Variants in NXPE2 observed in about 807,000 individuals in gnomAD.
The protein encoded by NXPE2 is NXPE family member 2.
NXPE2 carries 34 observed loss-of-function variants against 34.4 expected under a neutral mutation model. That is an observed-to-expected ratio of 0.99 (90% CI 0.75 to 1.31). The LOEUF (loss-of-function observed/expected upper bound fraction) is 1.31, where lower values mean the gene tolerates loss of function less well. Among genes scored for constraint, NXPE2 ranks in the 40% most tolerant of loss-of-function variants. The pLI is 0.00. For synonymous variants in NXPE2, 235 were observed against 231.3 expected, an observed-to-expected ratio of 1.02 and a Z score of -0.15; for missense variants, 649 against 672.5, an observed-to-expected ratio of 0.97 and a Z score of 0.39.
chr11:114,613,439 C>T, the NXPE2 span, among the ~76,000 whole-genome samples: 1 of 151,502 alleles, frequency 6.6e-6, no homozygotes, highest in Non-Finnish European at 1.5e-5. Flanking sequence ...AGTGTTGCCT[C>T]TTGTGTAACC....
intron 2 of NXPE2, among the ~76,000 whole-genome samples, chr11:114,684,309 C>A (rs1951003602): frequency 6.6e-6 from 1 of 151,886 alleles, no homozygotes; most frequent in Non-Finnish European, 1.5e-5. Context: ...CGCCTGTAGT[C>A]CCAGCTACTC....
At chr11:114,730,905 T>C in the NXPE2 span, among the ~76,000 whole-genome samples, 2 of 152,210 alleles carry the variant, frequency 1.3e-5, no homozygotes, top group African/African-American at 2.4e-5. Flanking sequence ...GCCTGGTTGC[T>C]CTGGCTAGGA....
At chr11:114,641,628 A>G in the NXPE2 span, among the ~76,000 whole-genome samples, 2 of 152,058 alleles carry the variant, frequency 1.3e-5, no homozygotes, top group Non-Finnish European at 2.9e-5. Context: ...AAACCTGGAA[A>G]AAGTAGAAAT....
At chr11:114,663,269 G>A in the NXPE2 span, among the ~76,000 whole-genome samples, 9 of 152,172 alleles carry the variant, frequency 5.9e-5, no homozygotes, top group African/African-American at 2.2e-4. Context: ...TGCCAACTCA[G>A]CCGCAGTACA....
the NXPE2 span, chr11:114,521,686 A>G: frequency 8.8e-6 from 3 of 340,030 alleles, no homozygotes; most frequent in South Asian, 1.6e-4. Flanking sequence ...ATGAATTTGT[A>G]CAGATATTTT....
At chr11:114,614,752 G>T in the NXPE2 span, among the ~76,000 whole-genome samples, 20 of 151,080 alleles carry the variant, frequency 1.3e-4, no homozygotes, top group African/African-American at 4.9e-4. Context: ...TTACCCAGTG[G>T]ATAATAAGTG....
At chr11:114,790,767 T>C in the NXPE2 span, among the ~76,000 whole-genome samples, 1 of 151,918 alleles carries the variant, frequency 6.6e-6, no homozygotes, top group East Asian at 1.9e-4. Context: ...TATGAGGAAT[T>C]AAATCATTGG....
rs1344352437 is a variant in NXPE2, at chr11:114,698,607, G to T, written c.695G>T (p.Gly232Val). The T allele has an allele frequency of 5.0e-6, 8 of 1,614,036 alleles. No homozygotes were observed. The highest frequency in any genetic ancestry group is 6.8e-6 in the Non-Finnish European group (8 of 1,180,022). Residue 232 changes from glycine (G) to valine (V), a missense_variant, in exon 3 of 6, where the codon GGC becomes GTC. Gly to Val is a moderately radical substitution (Grantham distance 109). Transcript: ENST00000389586. ...NRSSNVFTEC[G>V]LTLNTNAELC... is the part of the protein sequence containing the mutation. ...AGCTCCAATGTCTTCACTGAATGTG[G>T]CCTGACCCTAAACACAAATGCTGAA...
At chr11:114,716,699 G>A in the NXPE2 span, among the ~76,000 whole-genome samples, 1 of 152,144 alleles carries the variant, frequency 6.6e-6, no homozygotes, top group African/African-American at 2.4e-5. Flanking sequence ...ACATTCCACT[G>A]AGCCAAATAA....
the NXPE2 span, among the ~76,000 whole-genome samples, chr11:114,769,683 A>G: frequency 6.6e-6 from 1 of 152,160 alleles, no homozygotes; most frequent in Non-Finnish European, 1.5e-5. Context: ...AAGCTGTGGA[A>G]ACCATCATTC....
Position 114,679,674 on chromosome 11 carries a change from CA to C in NXPE2, c.47del (p.Asn16MetfsTer3). ...ILIHRILTLF[P>X]NAIARKLLLM... ...TCTTATAGGATACTCACTTTGTTTC[CA>C]AATGCCATAGCTCGAAAATTACTGC... On this transcript the variant is annotated frameshift_variant, in exon 2 of 6. Coordinates refer to ENST00000389586, the MANE Select transcript of NXPE2 (RefSeq NM_182495.6). LOFTEE classifies it high-confidence loss of function. 6.5e-7 allele frequency: 1 copy of C among 1,548,194 alleles called. No individual in the cohort carries two copies. The highest frequency in any genetic ancestry group is 8.7e-7 in the Non-Finnish European group (1 of 1,144,330).
chr11:114,727,780 C>CACAA, the NXPE2 span, among the ~76,000 whole-genome samples: 25,571 of 142,430 alleles, frequency 0.18, 2,281 homozygotes, highest in East Asian at 0.35. Context: ...ACACAACACA[C>CACAA]ACACACACAC....
chr11:114,542,302 A>T, the NXPE2 span, among the ~76,000 whole-genome samples: 1 of 152,236 alleles, frequency 6.6e-6, no homozygotes, highest in Non-Finnish European at 1.5e-5. Flanking sequence ...ACCTTTAATT[A>T]TAAGAGTCAC....
chr11:114,647,708 T>TA, the NXPE2 span, among the ~76,000 whole-genome samples: 26 of 151,476 alleles, frequency 1.7e-4, no homozygotes, highest in Admixed American at 3.3e-4. Flanking sequence ...TTATTTTATT[T>TA]TTTTTTTTTT....
the NXPE2 span, among the ~76,000 whole-genome samples, chr11:114,468,232 G>C: frequency 6.6e-6 from 1 of 152,166 alleles, no homozygotes; most frequent in Non-Finnish European, 1.5e-5. Flanking sequence ...CCACAGGTTG[G>C]ACACATTTGA....
the NXPE2 span, among the ~76,000 whole-genome samples, chr11:114,627,077 C>A: frequency 5.3e-5 from 8 of 151,902 alleles, no homozygotes; most frequent in African/African-American, 1.9e-4. Context: ...TGAATGGAAC[C>A]AAGTTGGAAA....
chr11:114,789,225 A>C, the NXPE2 span, among the ~76,000 whole-genome samples: 3 of 152,186 alleles, frequency 2.0e-5, no homozygotes, highest in Non-Finnish European at 4.4e-5. Flanking sequence ...TGCATATGTT[A>C]ATTAGCTTGG....
the NXPE2 span, among the ~76,000 whole-genome samples, chr11:114,739,342 C>T: frequency 1.3e-3 from 47 of 36,132 alleles, 1 homozygote; most frequent in East Asian, 0.012. Context: ...CTTCCTTCCC[C>T]CCTTCCTCTC....
chr11:114,521,843 C>A, the NXPE2 span: 3 of 728,002 alleles, frequency 4.1e-6, no homozygotes, highest in Non-Finnish European at 6.7e-6. Context: ...CATAGCCTTC[C>A]TCCCCAAACA....
Sources: gnomAD v4.1 joint callset for allele counts (sites outside exome capture counted in the v4.1 genomes callset) on GRCh38, gnomAD v4.1.1 for gene constraint, MANE v1.5 for transcripts, NCBI Gene and HGNC (gene_info 2026-07-23, HGNC 2026-07-21) for gene names.